PDZD2: variants seen among roughly 807,000 people sequenced by gnomAD.
PDZD2 encodes the protein PDZ domain containing 2.
In PDZD2, 90 loss-of-function variants were observed where a neutral mutation model predicts 220.7. The ratio of observed to expected loss-of-function variants is 0.41; its 90% confidence interval spans 0.34 to 0.49. The LOEUF (loss-of-function observed/expected upper bound fraction) is 0.49. PDZD2 is among the 20% of genes least tolerant of loss of function. The pLI, the probability that PDZD2 is intolerant of heterozygous loss-of-function variation, is 0.28. For synonymous variants in PDZD2, 1,375 were observed against 1,450.5 expected (o/e 0.95, Z 1.18); for missense variants, 3,174 against 3,608.5 (o/e 0.88, Z 3.08).
At chr5:31,993,535 A>C (rs1443097239) in intron 3 of PDZD2, among the ~76,000 whole-genome samples, 1 of 152,238 alleles carries the variant, frequency 6.6e-6, no homozygotes, top group Non-Finnish European at 1.5e-5. Context: ...CAGATTTTCT[A>C]AATGCCACAC....
intron 2 of PDZD2, among the ~76,000 whole-genome samples, chr5:31,896,104 C>T (rs1282367886): frequency 6.6e-6 from 1 of 152,126 alleles, no homozygotes; most frequent in Non-Finnish European, 1.5e-5. Context: ...CAGATCCTGG[C>T]ATTCTCCATT....
chr5:31,883,053 C>CA (rs1367419833), intron 2 of PDZD2, among the ~76,000 whole-genome samples: 1 of 141,040 alleles, frequency 7.1e-6, no homozygotes, highest in African/African-American at 2.8e-5. Context: ...AAAAAAGGCC[C>CA]AGGGGGCATA....
chr5:31,702,777 GT>G (rs1430323320), intron 1 of PDZD2, among the ~76,000 whole-genome samples: 1 of 152,184 alleles, frequency 6.6e-6, no homozygotes, highest in African/African-American at 2.4e-5. Flanking sequence ...GAATGAGTGT[GT>G]TCCCTGGTTG....
intron 2 of PDZD2, among the ~76,000 whole-genome samples, chr5:31,844,883 C>T (rs1203015311): frequency 1.3e-5 from 2 of 152,180 alleles, no homozygotes; most frequent in African/African-American, 4.8e-5. Flanking sequence ...TCTGAGTTTA[C>T]GTTGCCCAAT....
chr5:31,881,971 G>A (rs888318974), intron 2 of PDZD2, among the ~76,000 whole-genome samples: 18 of 151,958 alleles, frequency 1.2e-4, no homozygotes, highest in African/African-American at 3.9e-4. Context: ...CACCCACCTC[G>A]GTCTCCCAAA....
chr5:31,816,380 A>G (rs1049254705), intron 2 of PDZD2, among the ~76,000 whole-genome samples: 3 of 152,024 alleles, frequency 2.0e-5, no homozygotes, highest in African/African-American at 7.3e-5. Context: ...CAAGTACAGT[A>G]GTTCCCAGTG....
At chr5:32,104,739 A>C (rs1447744322) in intron 24 of PDZD2, among the ~76,000 whole-genome samples, 1 of 148,844 alleles carries the variant, frequency 6.7e-6, no homozygotes, top group Non-Finnish European at 1.5e-5. Context: ...AAAAAAAAAA[A>C]AAAAAAACAT....
chr5:31,844,253 T>C (rs1211178120), intron 2 of PDZD2, among the ~76,000 whole-genome samples: 1 of 152,154 alleles, frequency 6.6e-6, no homozygotes, highest in Admixed American at 6.6e-5. Context: ...TTGAACTTAA[T>C]GATGCAAAAA....
chr5:31,644,730 G>T (rs574742331), intron 1 of PDZD2, among the ~76,000 whole-genome samples: 2 of 152,148 alleles, frequency 1.3e-5, no homozygotes, highest in African/African-American at 2.4e-5. Context: ...ACCAGAATGC[G>T]TTCTGAGTGA....
intron 2 of PDZD2, among the ~76,000 whole-genome samples, chr5:31,974,867 T>C (rs893456116): frequency 2.0e-5 from 3 of 152,150 alleles, no homozygotes; most frequent in Non-Finnish European, 4.4e-5. Context: ...CAGTGAGCCA[T>C]GATTGTGCTA....
chr5:32,025,239 G>A (rs1754541182), intron 6 of PDZD2, among the ~76,000 whole-genome samples: 2 of 152,160 alleles, frequency 1.3e-5, no homozygotes, highest in African/African-American at 4.8e-5. Flanking sequence ...TTAACAGTGA[G>A]CCCTGGCCGG....
intron 1 of PDZD2, among the ~76,000 whole-genome samples, chr5:31,695,172 A>C (rs1421934317): frequency 6.6e-6 from 1 of 152,030 alleles, no homozygotes; most frequent in African/African-American, 2.4e-5. Context: ...CGGCTACTCC[A>C]TAGGCAGAGC....
chr5:31,753,718 G>T (rs1054347806), intron 1 of PDZD2, among the ~76,000 whole-genome samples: 1 of 152,198 alleles, frequency 6.6e-6, no homozygotes, highest in Non-Finnish European at 1.5e-5. Flanking sequence ...GTCTTTTTGC[G>T]TGGACATCCT....
intron 3 of PDZD2, among the ~76,000 whole-genome samples, chr5:31,992,623 G>A (rs1751308897): frequency 6.6e-6 from 1 of 152,132 alleles, no homozygotes; most frequent in Non-Finnish European, 1.5e-5. Flanking sequence ...AAGGAGAAAA[G>A]AATGGTGGTG....
At chr5:31,722,262 A>G (rs1053599402) in intron 1 of PDZD2, among the ~76,000 whole-genome samples, 12 of 151,816 alleles carry the variant, frequency 7.9e-5, no homozygotes, top group African/African-American at 2.9e-4. Flanking sequence ...CACACCGCAC[A>G]CTCTGCTCCT....
chr5:32,082,578 G>A (rs756567010), intron 19 of PDZD2, among the ~76,000 whole-genome samples: 16 of 152,116 alleles, frequency 1.1e-4, no homozygotes, highest in Non-Finnish European at 1.5e-4. Context: ...ATTTTCATGT[G>A]TAGCATTTGG....
intron 2 of PDZD2, among the ~76,000 whole-genome samples, chr5:31,967,902 G>T (rs1279023259): frequency 6.6e-6 from 1 of 152,238 alleles, no homozygotes; most frequent in Non-Finnish European, 1.5e-5. Flanking sequence ...GGCCAAGAAA[G>T]TAGAGAGATT....
At chr5:31,959,602 G>C (rs567296074) in intron 2 of PDZD2, among the ~76,000 whole-genome samples, 4 of 149,482 alleles carry the variant, frequency 2.7e-5, no homozygotes, top group African/African-American at 9.8e-5. Flanking sequence ...TTCCCACCTC[G>C]ACCTCTCAAA....
intron 1 of PDZD2, among the ~76,000 whole-genome samples, chr5:31,655,679 T>C (rs1014604823): frequency 2.6e-5 from 4 of 152,140 alleles, no homozygotes; most frequent in African/African-American, 7.2e-5. Context: ...ATCAGAATCA[T>C]TGGTATTTTT....
Sources: gnomAD v4.1 joint callset for allele counts (sites outside exome capture counted in the v4.1 genomes callset) on GRCh38, gnomAD v4.1.1 for gene constraint, MANE v1.5 for transcripts, NCBI Gene and HGNC (gene_info 2026-07-23, HGNC 2026-07-21) for gene names.